AFF2: variants seen among roughly 807,000 people sequenced by gnomAD.
AFF2 encodes ALF transcription elongation factor 2, also known as AF4/FMR2 family member 2.
Under a neutral mutation model 76.9 loss-of-function variants are expected in AFF2, and 14 were observed. The ratio of observed to expected loss-of-function variants is 0.18; its 90% CI spans 0.12 to 0.28. The LOEUF is 0.28. Ranked by LOEUF, AFF2 falls within the 10% of genes least tolerant of loss-of-function variation. AFF2 has a pLI of 1.00. For synonymous variants in AFF2, 398 were observed against 366.7 expected (o/e 1.09, Z -0.98); for missense variants, 868 against 1,001.1 (o/e 0.87, Z 1.79).
chrX:148,701,011 AATGTGTG>A (rs2054787063), intron 3 of AFF2, among the ~76,000 whole-genome samples: 6 of 61,160 alleles, frequency 9.8e-5, no homozygotes, highest in African/African-American at 3.5e-4. Context: ...AGAGAGAGAG[AATGTGTG>A]TGTGTGTGTG....
chrX:148,666,838 C>T (rs1002714636), intron 3 of AFF2, among the ~76,000 whole-genome samples: 1 of 111,635 alleles, frequency 9.0e-6, no homozygotes, highest in East Asian at 2.8e-4. Context: ...TAGCTTTATA[C>T]ATTTCTTTAC....
chrX:148,951,128 G>A (rs1557286555), intron 9 of AFF2, among the ~76,000 whole-genome samples: 2 of 104,123 alleles, frequency 1.9e-5, no homozygotes, highest in South Asian at 4.7e-4. Context: ...TCTCAGAAGG[G>A]CTTTAGATAG....
At chrX:148,563,044 G>A in intron 1 of AFF2, among the ~76,000 whole-genome samples, 1 of 112,126 alleles carries the variant, frequency 8.9e-6, no homozygotes, top group Non-Finnish European at 1.9e-5. Context: ...AGGCCTGCAG[G>A]ATGAGAGGAA....
chrX:148,534,841 C>A (rs782413294), intron 1 of AFF2, among the ~76,000 whole-genome samples: 2 of 112,113 alleles, frequency 1.8e-5, no homozygotes, highest in African/African-American at 6.5e-5. Context: ...TCCTGAGTAT[C>A]CCACATTTGT....
intron 9 of AFF2, among the ~76,000 whole-genome samples, chrX:148,935,127 C>T (rs1761727505): frequency 9.2e-6 from 1 of 108,915 alleles, no homozygotes; most frequent in South Asian, 4.0e-4. Context: ...AAGAACTCAA[C>T]AAACAAAGTT....
chrX:148,674,068 A>G (rs1369708692), intron 3 of AFF2, among the ~76,000 whole-genome samples: 1 of 112,077 alleles, frequency 8.9e-6, no homozygotes, highest in Non-Finnish European at 1.9e-5. Flanking sequence ...GTCTGTCACA[A>G]ATACTTATCT....
chrX:148,964,861 G>GT (rs1569557777), intron 13 of AFF2, among the ~76,000 whole-genome samples: 1 of 112,461 alleles, frequency 8.9e-6, no homozygotes, highest in Non-Finnish European at 1.9e-5. Context: ...TCACCAGGTG[G>GT]TAAAAAAAGA....
chrX:148,816,412 G>A (rs1454660260), intron 4 of AFF2, among the ~76,000 whole-genome samples: 1 of 111,586 alleles, frequency 9.0e-6, no homozygotes, highest in East Asian at 2.8e-4. Flanking sequence ...GTAACCAAAG[G>A]GTATCCATAA....
At chrX:148,655,978 C>G (rs1223099291) in intron 2 of AFF2, among the ~76,000 whole-genome samples, 1 of 111,934 alleles carries the variant, frequency 8.9e-6, no homozygotes, top group African/African-American at 3.3e-5. Context: ...TACCCTGAAG[C>G]CTAAAACAAG....
chrX:148,582,481 C>T (rs891184316), intron 1 of AFF2, among the ~76,000 whole-genome samples: 1 of 111,579 alleles, frequency 9.0e-6, no homozygotes, highest in African/African-American at 3.3e-5. Flanking sequence ...TCTAAAGATG[C>T]TCAACATCAT....
chrX:148,508,209 A>T (rs1557232722), intron 1 of AFF2, among the ~76,000 whole-genome samples: 1 of 112,140 alleles, frequency 8.9e-6, no homozygotes, highest in Non-Finnish European at 1.9e-5. Context: ...ATTTCCAAAT[A>T]ATAGTTCTCT....
At chrX:148,641,174 C>T (rs1967462874) in intron 1 of AFF2, among the ~76,000 whole-genome samples, 1 of 110,074 alleles carries the variant, frequency 9.1e-6, no homozygotes, top group African/African-American at 3.3e-5. Flanking sequence ...ACATAGATAT[C>T]CAGTAAGTGT....
chrX:148,668,872 T>G (rs1186121858), intron 3 of AFF2, among the ~76,000 whole-genome samples: 1 of 112,623 alleles, frequency 8.9e-6, no homozygotes, highest in Non-Finnish European at 1.9e-5. Flanking sequence ...TGCAAATTTC[T>G]GCAGCCAGCT....
chrX:148,654,910 G>T (rs2054236136), intron 2 of AFF2, among the ~76,000 whole-genome samples: 1 of 110,419 alleles, frequency 9.1e-6, no homozygotes, highest in Non-Finnish European at 1.9e-5. Context: ...TTACTCAAAA[G>T]GTTTATTCTT....
intron 1 of AFF2, among the ~76,000 whole-genome samples, chrX:148,588,678 A>G: frequency 8.9e-6 from 1 of 111,899 alleles, no homozygotes; most frequent in Non-Finnish European, 1.9e-5. Flanking sequence ...ACAGTATGCA[A>G]TTTCTACTAG....
At chrX:148,551,482 G>GAAAAAAAAAAAAAAA (rs781883999) in intron 1 of AFF2, among the ~76,000 whole-genome samples, 6 of 38,000 alleles carry the variant, frequency 1.6e-4, no homozygotes, top group African/African-American at 1.9e-4. Flanking sequence ...GCTGGGAAGT[G>GAAAAAAAAAAAAAAA]AAAAAAAAAA....
At chrX:148,504,628 T>C (rs1557232265) in intron 1 of AFF2, among the ~76,000 whole-genome samples, 1 of 113,170 alleles carries the variant, frequency 8.8e-6, no homozygotes, top group Admixed American at 9.2e-5. Flanking sequence ...GAAGGGGCCA[T>C]GTGCCGGCCA....
At chrX:148,521,581 A>G (rs1899413377) in intron 1 of AFF2, among the ~76,000 whole-genome samples, 1 of 111,819 alleles carries the variant, frequency 8.9e-6, no homozygotes, top group South Asian at 3.7e-4. Context: ...AACAAATTAC[A>G]TTGCATAGTT....
Position 148,501,055 on chromosome X carries a change from C to A in AFF2, c.-43C>A, listed in dbSNP as rs1557231738. The A allele has an allele frequency of 8.3e-7, 1 of 1,200,768 alleles. No homozygotes were observed. The highest frequency in any genetic ancestry group is 1.8e-5 in the African/African-American group (1 of 56,505). ...TGCCGAGAGCCGCGCCGACCCGCTG[C>A]GATCAGGGACAGGCGCCCGCCCGCC... On this transcript the variant is annotated 5_prime_UTR_variant, in exon 1 of 21. Transcript: ENST00000370460.
Sources: gnomAD v4.1 joint callset for allele counts (sites outside exome capture counted in the v4.1 genomes callset) on GRCh38, gnomAD v4.1.1 for gene constraint, MANE v1.5 for transcripts, NCBI Gene and HGNC (gene_info 2026-07-23, HGNC 2026-07-21) for gene names.